Variants in DAB2 observed in about 807,000 individuals in gnomAD.
The protein encoded by DAB2 is DAB adaptor protein 2.
DAB2 carries 28 observed loss-of-function variants against 71.6 expected under a neutral mutation model. The ratio of observed to expected loss-of-function variants is 0.39; its 90% CI spans 0.29 to 0.54. The LOEUF (loss-of-function observed/expected upper bound fraction) is 0.54. Among genes scored for constraint, DAB2 ranks in the 20% least tolerant of loss-of-function variants. DAB2 has a pLI of 0.68. For synonymous variants in DAB2, 345 were observed against 339.7 expected (o/e 1.02, Z -0.17); for missense variants, 867 against 928.8 (o/e 0.93, Z 0.86).
chr5:39,388,981 G>T, intron 7 of DAB2, 116 bp downstream of exon 7: 2 of 1,317,506 alleles, frequency 1.5e-6, no homozygotes, highest in South Asian at 1.2e-5. Context: ...TTCATGATCA[G>T]AGAAGTCATA....
intron 2 of DAB2, 38 bp downstream of exon 2, chr5:39,394,192 T>G: frequency 6.5e-7 from 1 of 1,529,336 alleles, no homozygotes; most frequent in Non-Finnish European, 9.1e-7. Context: ...TAACCATCTC[T>G]AGCTCCCTTC....
chr5:39,411,866 A>G (rs1221581969), intron 1 of DAB2, among the ~76,000 whole-genome samples: 3 of 152,200 alleles, frequency 2.0e-5, no homozygotes, highest in Non-Finnish European at 2.9e-5. Context: ...TTAACTAGCA[A>G]TGTGTTCCTT....
At position 39,389,893 on chromosome 5, in the gene DAB2, C is replaced by T; in HGVS notation, c.502G>A (p.Val168Ile). The T allele has an allele frequency of 6.3e-7, 1 of 1,596,218 alleles. No individual in the cohort carries two copies. Among genetic ancestry groups the T allele is most frequent in the Non-Finnish European group, 8.6e-7 (1 of 1,169,092 alleles). Residue 168 changes from valine to isoleucine, a missense_variant, in exon 6 of 15, where the codon GTT becomes ATT. Coordinates refer to ENST00000320816, the MANE Select transcript of DAB2 (RefSeq NM_001343.4). The part of the protein sequence containing the change: ...LVVDLKDLFQ[V>I]IYNVKKKEEE... ...TCCTTTTTCTTTACATTATAGATAA[C>T]TTGAAAAAGGTCTTTAAGATCAACA...
rs1046108688 is a variant in DAB2, at chr5:39,390,377, G to A, written c.462+67C>T. On this transcript the variant is annotated intron_variant, in intron 5 of 14. Coordinates refer to ENST00000320816, the MANE Select transcript of DAB2 (RefSeq NM_001343.4). ...ATTATTTCCAGTAAATCTTTTAGTT[G>A]AGTGACAGACACTCCAATGTCCACA... The A allele has an allele frequency of 9.2e-6, 14 of 1,514,408 alleles. No homozygotes were observed. In the African/African-American group the frequency reaches 1.8e-4, roughly 20 times the overall value. The allele number at this position is 1,514,408 out of a possible 1,614,324, so 93.8% of individuals were successfully genotyped here. A position where few individuals can be genotyped will look rare whatever the true frequency, so the allele number is the denominator to read the frequency against.
At chr5:39,391,671 G>C (rs962399295) in intron 4 of DAB2, among the ~76,000 whole-genome samples, 12 of 151,964 alleles carry the variant, frequency 7.9e-5, no homozygotes, top group African/African-American at 2.9e-4. Flanking sequence ...ATGTTACATT[G>C]AGTACAGAAA....
intron 11 of DAB2, among the ~76,000 whole-genome samples, chr5:39,379,116 A>G (rs1754896673): frequency 6.6e-6 from 1 of 152,170 alleles, no homozygotes; most frequent in African/African-American, 2.4e-5. Flanking sequence ...ACTTGTCTTC[A>G]TTTAGGAAAA....
rs1754741297 is a variant in DAB2, at chr5:39,373,165, G to C, written c.*266C>G. 6.6e-6 allele frequency: 1 copy of C among 152,148 alleles called. No individual in the cohort carries two copies. The highest frequency in any genetic ancestry group is 2.4e-5 in the African/African-American group (1 of 41,430). The allele number at this position is 152,148 out of a possible 1,614,324, so 9.4% of individuals were successfully genotyped here. ...GACACAAGAGGCAGGGTTCAGTAGG[G>C]AAACTACTGTACTTCATTTACACTT... On this transcript the variant is annotated 3_prime_UTR_variant, in exon 15 of 15. Transcript: ENST00000320816.
intron 14 of DAB2, 118 bp downstream of exon 14, chr5:39,374,896 C>A: frequency 2.8e-6 from 2 of 709,452 alleles, no homozygotes; most frequent in Non-Finnish European, 5.0e-6. Context: ...GTCGATTACT[C>A]CTAAATTATA....
At chr5:39,399,783 T>C (rs1281274496) in intron 1 of DAB2, among the ~76,000 whole-genome samples, 3 of 152,372 alleles carry the variant, frequency 2.0e-5, no homozygotes, top group Admixed American at 1.3e-4. Context: ...TAGTCCTTAG[T>C]GATTCATATA....
chr5:39,407,278 G>A (rs1340609524), intron 1 of DAB2, among the ~76,000 whole-genome samples: 1 of 152,192 alleles, frequency 6.6e-6, no homozygotes, highest in African/African-American at 2.4e-5. Flanking sequence ...GGAGTGCAGA[G>A]GCGCGATCTC....
rs182107334 is a variant in DAB2 at position 39,390,329 on chromosome 5, A to G, written c.462+115T>C. 1.0e-5 allele frequency: 13 copies of G among 1,291,146 alleles called. No homozygotes were observed. In the East Asian group the frequency reaches 2.9e-4, roughly 28 times the overall value. 80.0% of individuals were successfully genotyped at this position (1,291,146 alleles called of 1,614,324 possible). A position where few individuals can be genotyped will look rare whatever the true frequency, so the allele number is the denominator to read the frequency against. ...AATAAAAATAGTCATTCTCGGAATT[A>G]TTATTTAGCCCTCTTACATCCAATT... On this transcript the variant is annotated intron_variant, in intron 5 of 14. Coordinates refer to ENST00000320816, the MANE Select transcript of DAB2 (RefSeq NM_001343.4).
rs116465988 is a variant in DAB2, at chr5:39,391,595, C to T, written c.330+770G>A. On this transcript the variant is annotated intron_variant, in intron 4 of 14. Transcript: ENST00000320816. Reference sequence around the variant, plus strand: ...GAGGTCTCCTCACAGTATCGTGATGCGAGAGAGTATTTTATAGCAATGAAA... The same window carrying T: ...GAGGTCTCCTCACAGTATCGTGATGTGAGAGAGTATTTTATAGCAATGAAA... 3.3e-3 allele frequency among the ~76,000 whole-genome samples: 498 copies of T among 151,660 alleles called. 3 individuals are homozygous for T. The highest frequency in any genetic ancestry group is 0.011 in the African/African-American group (459 of 41,296).
intron 1 of DAB2, among the ~76,000 whole-genome samples, chr5:39,421,917 AAT>A (rs1196530426): frequency 7.3e-5 from 11 of 150,784 alleles, no homozygotes; most frequent in Non-Finnish European, 8.8e-5. Flanking sequence ...AAAAAAAAAA[AAT>A]ATTATCCAGG....
intron 5 of DAB2, 98 bp downstream of exon 5, chr5:39,390,346 C>T (rs1315054514): frequency 6.1e-5 from 86 of 1,408,830 alleles, no homozygotes; most frequent in Non-Finnish European, 7.2e-5. Flanking sequence ...AGCCCTCTTA[C>T]ATCCAATTAT....
At chr5:39,376,566 A>T in intron 12 of DAB2, 84 bp downstream of exon 12, 3 of 1,491,566 alleles carry the variant, frequency 2.0e-6, no homozygotes, top group Non-Finnish European at 2.7e-6. Context: ...CGGGTGGGAG[A>T]GGGTTCATTT....
intron 1 of DAB2, among the ~76,000 whole-genome samples, chr5:39,398,940 C>G (rs1024495349): frequency 2.6e-5 from 4 of 152,114 alleles, no homozygotes; most frequent in Non-Finnish European, 5.9e-5. Context: ...TGAATATTGT[C>G]ACTTGCATCC....
intron 4 of DAB2, 78 bp downstream of exon 4, chr5:39,392,287 G>T: frequency 2.9e-6 from 3 of 1,026,904 alleles, no homozygotes; most frequent in South Asian, 1.3e-5. Flanking sequence ...GAACGAAGAA[G>T]GGGAGCCGAA....
intron 10 of DAB2, among the ~76,000 whole-genome samples, chr5:39,382,074 T>A (rs935901624): frequency 6.6e-6 from 1 of 152,224 alleles, no homozygotes; most frequent in Non-Finnish European, 1.5e-5. Context: ...AAGACACCTA[T>A]GGGAACTGCA....
At chr5:39,394,198 C>T in intron 2 of DAB2, 32 bp downstream of exon 2, 1 of 1,559,976 alleles carries the variant, frequency 6.4e-7, no homozygotes, top group Non-Finnish European at 8.8e-7. Context: ...TCTCTAGCTC[C>T]CTTCCTTGGC....
Sources: gnomAD v4.1 joint callset for allele counts (sites outside exome capture counted in the v4.1 genomes callset) on GRCh38, gnomAD v4.1.1 for gene constraint, MANE v1.5 for transcripts, NCBI Gene and HGNC (gene_info 2026-07-23, HGNC 2026-07-21) for gene names.